Variants in DNAJC7 observed in about 807,000 individuals in gnomAD.
DNAJC7 encodes the protein dnaJ homolog subfamily C member 7.
A neutral mutation model predicts 67.4 loss-of-function variants in DNAJC7; 18 were observed. That is an observed-to-expected ratio of 0.27 (90% CI 0.18 to 0.40). DNAJC7 has a LOEUF of 0.40. DNAJC7 is among the 10% of genes least tolerant of loss of function. The probability of loss-of-function intolerance (pLI) is 1.00; values close to 1 mark genes in which losing one functional copy is unlikely to be tolerated. For missense variants in DNAJC7, 419 were observed against 613.8 expected (o/e 0.68, Z 3.35); for synonymous variants, 220 against 207.8 (o/e 1.06, Z -0.50).
chr17:41,990,132 C>CT, intron 6 of DNAJC7, 132 bp downstream of exon 6: 1 of 817,298 alleles, frequency 1.2e-6, no homozygotes, highest in East Asian at 2.7e-5. Flanking sequence ...TAATCTTTGA[C>CT]TTTAAGTCCC....
At chr17:41,997,438 A>G (rs1360264457) in intron 2 of DNAJC7, among the ~76,000 whole-genome samples, 199 bp from the exon 3 acceptor site, 1 of 151,696 alleles carries the variant, frequency 6.6e-6, no homozygotes, top group Non-Finnish European at 1.5e-5. Context: ...AATACAAAAA[A>G]AAAAAAAAAA....
rs1214598505 is a variant in DNAJC7, at chr17:42,017,351, T to G, written c.66A>C (p.Gln22His). Residue 22 changes from glutamine to histidine, a missense_variant, in exon 1 of 14, where the codon CAA becomes CAC. This residue lies in a region of DNAJC7 where 63 missense variants were observed against 54.0 expected (regional missense o/e 1.17). Transcript: ENST00000457167. ...TGCTACCCGGTTACCTCTTCGCCTC[T>G]TGGTCGTCGAGCAGCTCCGGCTCGG... is the stretch of plus-strand genomic sequence containing the variant. ...AATEPELLDD[Q>H]EAKREAETFK... is the part of the protein sequence containing the mutation. 1 of 1,611,650 alleles carries G rather than the reference T, an allele frequency of 6.2e-7. No individual in the cohort carries two copies. The highest frequency in any genetic ancestry group is 1.3e-5 in the African/African-American group (1 of 74,950).
At chr17:41,998,862 T>A (rs2051729606) in intron 2 of DNAJC7, among the ~76,000 whole-genome samples, 2 of 152,162 alleles carry the variant, frequency 1.3e-5, no homozygotes, top group East Asian at 3.9e-4. Flanking sequence ...CTTTAATTTA[T>A]CAAAAGAAAA....
At chr17:41,995,441 T>C (rs1328204876) in intron 4 of DNAJC7, among the ~76,000 whole-genome samples, 2 of 152,226 alleles carry the variant, frequency 1.3e-5, no homozygotes, top group African/African-American at 4.8e-5. Context: ...AAACTGTATA[T>C]ACAGTCATAC....
chr17:42,002,575 C>T (rs1350587688), intron 1 of DNAJC7, among the ~76,000 whole-genome samples: 2 of 152,184 alleles, frequency 1.3e-5, no homozygotes, highest in African/African-American at 4.8e-5. Context: ...CTATAAAACA[C>T]AGTCCGGTGA....
chr17:41,991,582 T>C (rs1228218055), intron 5 of DNAJC7, among the ~76,000 whole-genome samples: 3 of 152,156 alleles, frequency 2.0e-5, no homozygotes, highest in African/African-American at 7.2e-5. Context: ...ATAGAAGACA[T>C]AAGAACAGTG....
In DNAJC7 at chr17:41,996,271, C is replaced by A. The variant is rs782073495; in HGVS notation, c.405+40G>T. On this transcript the variant is annotated intron_variant, in intron 4 of 13. Transcript: ENST00000457167. ...AAGTAGCCACTCCTCCCAAATATACCATACTGCCTCTTTTGACAGAAACAG... is the reference window on the plus strand; with the variant it reads ...AAGTAGCCACTCCTCCCAAATATACAATACTGCCTCTTTTGACAGAAACAG... The A allele has an allele frequency of 1.7e-5, 27 of 1,600,170 alleles. No individual in the cohort carries two copies. The South Asian group carries it at 3.0e-4, about 18-fold the overall frequency.
intron 1 of DNAJC7, chr17:42,000,893 T>C (rs551262452): frequency 7.0e-4 from 127 of 182,226 alleles, no homozygotes; most frequent in African/African-American, 2.8e-3. Context: ...CATTCCCTCA[T>C]GGCAAGGAAT....
chr17:41,988,368 C>T (rs1435111584), intron 8 of DNAJC7, among the ~76,000 whole-genome samples: 3 of 152,168 alleles, frequency 2.0e-5, no homozygotes, highest in Admixed American at 6.5e-5. Context: ...TGGAGAAAAA[C>T]AAGCTTGCCT....
At position 41,989,526 on chromosome 17, in the gene DNAJC7, C is replaced by T; in HGVS notation, c.631G>A (p.Asp211Asn). 6.2e-7 allele frequency: 1 copy of T among 1,614,062 alleles called. No homozygotes were observed. The highest frequency in any genetic ancestry group is 8.5e-7 in the Non-Finnish European group (1 of 1,179,912). ...CAAAGACCTCGTACATACAGAGCATCTGCATTGGTGGAATCCATTCGTAGA... is the reference window on the plus strand; with the variant it reads ...CAAAGACCTCGTACATACAGAGCATTTGCATTGGTGGAATCCATTCGTAGA... ...DILRMDSTNA[D>N]ALYVRGLCLY... is the part of the protein sequence containing the mutation. Residue 211 changes from aspartate (D) to asparagine (N), a missense_variant, in exon 7 of 14, where the codon GAT (aspartate) becomes AAT (asparagine). Asp to Asn is a conservative substitution (Grantham distance 23, BLOSUM62 1). Transcript: ENST00000457167.
Position 41,976,451 on chromosome 17 carries a change from A to G in DNAJC7, c.*282T>C. ...GCAAAGGGCCAGGAAGGGTCAAAAC[A>G]TTTTATTCTCTTTTTTTTTTCTTTT... On this transcript the variant is annotated 3_prime_UTR_variant, in exon 14 of 14. Coordinates refer to ENST00000457167, the MANE Select transcript of DNAJC7 (RefSeq NM_003315.4). 1 of 384,468 alleles carries G rather than the reference A, an allele frequency of 2.6e-6. No individual in the cohort carries two copies. The allele number at this position is 384,468 out of a possible 1,614,324, so 23.8% of individuals were successfully genotyped here.
At chr17:41,983,085 C>T (rs1330662129) in intron 10 of DNAJC7, among the ~76,000 whole-genome samples, 1 of 152,038 alleles carries the variant, frequency 6.6e-6, no homozygotes, top group Non-Finnish European at 1.5e-5. Flanking sequence ...ATAGGTGCCT[C>T]ATGCCCCAAC....
At position 41,994,864 on chromosome 17, in the gene DNAJC7, C is replaced by T; in HGVS notation, c.480+6G>A. 6.2e-7 allele frequency: 1 copy of T among 1,613,582 alleles called. No individual in the cohort carries two copies. Among genetic ancestry groups the T allele is most frequent in the East Asian group, 2.2e-5 (1 of 44,874 alleles). ...CAGATGAGATTATCTCATGGTTGTA[C>T]TGTACCTTCCGAAAATCTCGCTTCT... On this transcript the variant is annotated splice_donor_region_variant and intron_variant, in intron 5 of 13. Coordinates refer to ENST00000457167, the MANE Select transcript of DNAJC7 (RefSeq NM_003315.4).
At position 41,982,005 on chromosome 17, in the gene DNAJC7, G is replaced by A. The variant is rs1555646046; in HGVS notation, c.1234C>T (p.Arg412Trp). The A allele has an allele frequency of 6.2e-7, 1 of 1,613,248 alleles. No individual in the cohort carries two copies. The highest frequency in any genetic ancestry group is 8.5e-7 in the Non-Finnish European group (1 of 1,179,690). ...RKRALMHHPD[R>W]HSGASAEVQK... Reference sequence around the variant, plus strand: ...ACCTCAGCACTGGCTCCACTATGCCGATCTAAAGTGGGGAGTAAAAGAACA... The same window carrying A: ...ACCTCAGCACTGGCTCCACTATGCCAATCTAAAGTGGGGAGTAAAAGAACA... Residue 412 changes from arginine to tryptophan, a missense_variant and splice_region_variant, in exon 12 of 14, where the codon CGG becomes TGG. By Grantham distance (101) the Arg-to-Trp change is moderately radical. Transcript: ENST00000457167.
Position 41,983,558 on chromosome 17 carries a change from C to A in DNAJC7, c.1084+5G>T. 1 of 1,579,898 alleles carries A rather than the reference C, an allele frequency of 6.3e-7. No individual in the cohort carries two copies. Among genetic ancestry groups the A allele is most frequent in the Non-Finnish European group, 8.6e-7 (1 of 1,161,152 alleles). ...TCCCTAAAAAACAAATGCTTTTAAA[C>A]TTACCTTTTGTTTTCTCTGTCTGGT... On this transcript the variant is annotated splice_donor_5th_base_variant and intron_variant, in intron 10 of 13. Coordinates refer to ENST00000457167, the MANE Select transcript of DNAJC7 (RefSeq NM_003315.4).
In DNAJC7 at chr17:42,017,191, G is replaced by A. The variant is rs2052325650; in HGVS notation, c.77+149C>T. On this transcript the variant is annotated intron_variant, in intron 1 of 13. Coordinates refer to ENST00000457167, the MANE Select transcript of DNAJC7 (RefSeq NM_003315.4). The stretch of plus-strand genomic sequence containing the variant: ...GACCCCCAAGAGCGCCCCTTCAGGG[G>A]GTCCATCCGGCCTTGATCTCAGATG... 4 of 1,570,972 alleles carry A rather than the reference G, an allele frequency of 2.5e-6. No homozygotes were observed. In the South Asian group the frequency reaches 3.4e-5, roughly 14 times the overall value.
chr17:41,996,182 C>T, intron 4 of DNAJC7, 129 bp downstream of exon 4: 1 of 797,942 alleles, frequency 1.3e-6, no homozygotes, highest in Non-Finnish European at 2.0e-6. Flanking sequence ...GGCTATGAAA[C>T]TCGCCTAAAG....
At chr17:42,017,215 T>TGG in intron 1 of DNAJC7, 125 bp downstream of exon 1, 15 of 1,591,556 alleles carry the variant, frequency 9.4e-6, no homozygotes, top group Non-Finnish European at 1.3e-5. Flanking sequence ...TGATCTCAGA[T>TGG]GGGGGGGTGT....
intron 12 of DNAJC7, among the ~76,000 whole-genome samples, chr17:41,979,518 A>G (rs2051186984): frequency 6.6e-6 from 1 of 150,968 alleles, no homozygotes; most frequent in Non-Finnish European, 1.5e-5. Context: ...CTAAAAATAT[A>G]AAAATTAGCT....
Sources: gnomAD v4.1 joint callset for allele counts (sites outside exome capture counted in the v4.1 genomes callset) on GRCh38, gnomAD v4.1.1 for gene constraint, gnomAD v4.1.1 regional missense constraint, MANE v1.5 for transcripts, NCBI Gene and HGNC (gene_info 2026-07-23, HGNC 2026-07-21) for gene names.